The following EHMT1 variants were observed in gnomAD, a reference collection of about 807,000 sequenced individuals.
The protein encoded by EHMT1 is histone-lysine N-methyltransferase EHMT1.
A neutral mutation model predicts 147.2 loss-of-function variants in EHMT1; 15 were observed. That is an observed-to-expected ratio of 0.10 (90% CI 0.07 to 0.16). The LOEUF (loss-of-function observed/expected upper bound fraction) is 0.16. Among genes scored for constraint, EHMT1 ranks in the 10% least tolerant of loss-of-function variants. EHMT1 has a pLI of 1.00. For synonymous variants in EHMT1, 795 were observed against 709.6 expected, an observed-to-expected ratio of 1.12 and a Z score of -1.91; for missense variants, 1,587 against 1,772.4, an observed-to-expected ratio of 0.90 and a Z score of 1.88.
At chr9:137,741,661 C>T (rs1464762346) in intron 4 of EHMT1, among the ~76,000 whole-genome samples, 1 of 152,194 alleles carries the variant, frequency 6.6e-6, no homozygotes, top group Non-Finnish European at 1.5e-5. Context: ...AGGACCCCAT[C>T]CCCATACCAA....
At chr9:137,735,444 A>G (rs1034438789) in intron 4 of EHMT1, among the ~76,000 whole-genome samples, 3 of 152,256 alleles carry the variant, frequency 2.0e-5, no homozygotes, top group African/African-American at 7.2e-5. Context: ...ACTATAAAAA[A>G]TCAACTAAAT....
intron 9 of EHMT1, among the ~76,000 whole-genome samples, chr9:137,761,889 C>T (rs1372269397): frequency 6.6e-6 from 1 of 152,246 alleles, no homozygotes; most frequent in Non-Finnish European, 1.5e-5. Context: ...GGGAGCGGCA[C>T]CCACTGTAGC....
At chr9:137,761,650 G>A (rs990050146) in intron 9 of EHMT1, among the ~76,000 whole-genome samples, 6 of 152,036 alleles carry the variant, frequency 3.9e-5, no homozygotes, top group Non-Finnish European at 8.8e-5. Flanking sequence ...GTAGAGACGG[G>A]GTTTCACCAT....
intron 3 of EHMT1, among the ~76,000 whole-genome samples, chr9:137,725,494 A>T (rs1466841491): frequency 1.3e-5 from 2 of 152,222 alleles, no homozygotes; most frequent in African/African-American, 4.8e-5. Flanking sequence ...AATGTGGCAC[A>T]CAGGGTTGCT....
intron 9 of EHMT1, among the ~76,000 whole-genome samples, chr9:137,759,926 G>T (rs1156853261): frequency 6.6e-6 from 1 of 152,222 alleles, no homozygotes; most frequent in African/African-American, 2.4e-5. Flanking sequence ...GCCGCTGGTT[G>T]TGGGTCAGGG....
Position 137,692,084 on chromosome 9 carries a change from A to G in EHMT1, c.22-18883A>G, listed in dbSNP as rs1006642051. ...GGGTGATGTGTGTAAGAATTTGGAAATGGTATAGGATGAGAATCATACACA... is the reference window on the plus strand; with the variant it reads ...GGGTGATGTGTGTAAGAATTTGGAAGTGGTATAGGATGAGAATCATACACA... On this transcript the variant is annotated intron_variant, in intron 1 of 26. Coordinates refer to ENST00000460843, the MANE Select transcript of EHMT1 (RefSeq NM_024757.5). 4.6e-5 allele frequency among the ~76,000 whole-genome samples: 7 copies of G among 152,302 alleles called. No individual in the cohort carries two copies. In the East Asian group the frequency reaches 1.3e-3, roughly 29 times the overall value.
chr9:137,687,781 TAAAC>T (rs1942587162), intron 1 of EHMT1, among the ~76,000 whole-genome samples: 1 of 152,218 alleles, frequency 6.6e-6, no homozygotes, highest in African/African-American at 2.4e-5. Context: ...CTCCAGAACT[TAAAC>T]AAATAAATTT....
chr9:137,763,994 G>A (rs1293686576), intron 10 of EHMT1: 2 of 152,746 alleles, frequency 1.3e-5, no homozygotes, highest in South Asian at 2.1e-4. Context: ...CGTGGCCGGG[G>A]TTTCTGATTC....
intron 4 of EHMT1, among the ~76,000 whole-genome samples, chr9:137,733,647 G>T (rs913565271): frequency 6.6e-6 from 1 of 152,180 alleles, no homozygotes; most frequent in Admixed American, 6.5e-5. Context: ...GAGCAAAGAG[G>T]ACCTTGTCCC....
intron 2 of EHMT1, among the ~76,000 whole-genome samples, chr9:137,715,997 C>T (rs989091539): frequency 7.4e-5 from 11 of 149,230 alleles, no homozygotes; most frequent in African/African-American, 2.7e-4. Context: ...TTATATAAGC[C>T]AGCCAAAGAA....
At chr9:137,717,357 C>G in intron 3 of EHMT1, 175 bp downstream of exon 3, 1 of 835,978 alleles carries the variant, frequency 1.2e-6, no homozygotes, top group Admixed American at 2.1e-5. Flanking sequence ...TATCGCAGCA[C>G]TTTGGGAGGC....
chr9:137,775,395 G>GC lies in EHMT1; in HGVS notation c.1791+143_1791+144insC, dbSNP rs1443714339. The GC allele has an allele frequency of 4.7e-5, 59 of 1,254,140 alleles. No individual in the cohort carries two copies. The highest frequency in any genetic ancestry group is 6.3e-5 in the Non-Finnish European group (57 of 901,866). 77.7% of individuals were successfully genotyped at this position (1,254,140 alleles called of 1,614,324 possible). On this transcript the variant is annotated intron_variant, in intron 11 of 26. Coordinates refer to ENST00000460843, the MANE Select transcript of EHMT1 (RefSeq NM_024757.5). The surrounding 1 kb of genome is among the most constrained non-coding windows in gnomAD (Gnocchi z 6.1). Reference sequence around the variant, plus strand: ...TGGTGTCCGTCTGGAGGTCTCCAGTGTTCACAAGCCCCTCACCACCCCTGT... The same window carrying GC: ...TGGTGTCCGTCTGGAGGTCTCCAGTGCTTCACAAGCCCCTCACCACCCCTGT...
At chr9:137,783,175 C>T (rs951332432) in intron 15 of EHMT1, among the ~76,000 whole-genome samples, 2 of 152,214 alleles carry the variant, frequency 1.3e-5, no homozygotes, top group African/African-American at 4.8e-5. Flanking sequence ...TGCAGAAATC[C>T]ACACCTGTCA....
At chr9:137,749,593 C>T (rs193285032) in intron 6 of EHMT1, among the ~76,000 whole-genome samples, 132 of 152,252 alleles carry the variant, frequency 8.7e-4, no homozygotes, top group African/African-American at 3.1e-3. Context: ...AGCCATGGCG[C>T]CCAGCCTCTT....
At chr9:137,790,527 C>A (rs2137101295) in intron 15 of EHMT1, among the ~76,000 whole-genome samples, 1 of 152,280 alleles carries the variant, frequency 6.6e-6, no homozygotes, top group South Asian at 2.1e-4. Context: ...CCCCTCCCTC[C>A]CCCTTCTTTG....
At chr9:137,630,584 T>C (rs1163359582) in intron 1 of EHMT1, among the ~76,000 whole-genome samples, 2 of 152,214 alleles carry the variant, frequency 1.3e-5, no homozygotes, top group African/African-American at 4.8e-5. Flanking sequence ...ATATTTGTCA[T>C]CTGTTTTTTT....
rs372996472 is a variant in EHMT1 at position 137,828,103 on chromosome 9, C to T, written c.3541-6246C>T. Among the ~76,000 whole-genome samples, 19 of 152,244 alleles carry T rather than the reference C, an allele frequency of 1.2e-4. No homozygotes were observed. The East Asian group carries it at 3.7e-3, about 29-fold the overall frequency. On this transcript the variant is annotated intron_variant, in intron 25 of 26. Transcript: ENST00000460843. This position sits in a 1 kb window ranked among gnomAD's most constrained non-coding sequence, Gnocchi z 5.3. ...ACGGCACGCAGTGGGAGGCCATGGGCAAGGTTGATGGCCCATGGGGGCGGC... is the reference window on the plus strand; with the variant it reads ...ACGGCACGCAGTGGGAGGCCATGGGTAAGGTTGATGGCCCATGGGGGCGGC...
chr9:137,677,778 G>C (rs1362860192), intron 1 of EHMT1, among the ~76,000 whole-genome samples: 1 of 152,094 alleles, frequency 6.6e-6, no homozygotes, highest in Non-Finnish European at 1.5e-5. Context: ...AGTATTGTCA[G>C]CCGAGCACGG....
At chr9:137,805,643 TTC>T (rs1289520646) in intron 18 of EHMT1, among the ~76,000 whole-genome samples, 12 of 152,216 alleles carry the variant, frequency 7.9e-5, no homozygotes. Context: ...CATGTAGTTA[TTC>T]TGTTTAAACA....
Sources: gnomAD v4.1 joint callset for allele counts (sites outside exome capture counted in the v4.1 genomes callset) on GRCh38, gnomAD v4.1.1 for gene constraint, Gnocchi (gnomAD v3.1) non-coding constraint, MANE v1.5 for transcripts, NCBI Gene and HGNC (gene_info 2026-07-23, HGNC 2026-07-21) for gene names.